ZBTB17: variants seen among roughly 807,000 people sequenced by gnomAD.
ZBTB17 encodes the protein zinc finger and BTB domain containing 17.
ZBTB17 carries 24 observed loss-of-function variants against 85.1 expected under a neutral mutation model. The ratio of observed to expected loss-of-function variants is 0.28; its 90% CI spans 0.20 to 0.40. The LOEUF (loss-of-function observed/expected upper bound fraction) is 0.40, where lower values mean the gene tolerates loss of function less well. Ranked by LOEUF, ZBTB17 falls within the 10% of genes least tolerant of loss-of-function variation. The pLI is 1.00. For missense variants in ZBTB17, 743 were observed against 1,105.1 expected (o/e 0.67, Z 4.65); for synonymous variants, 464 against 460.2 (o/e 1.01, Z -0.11).
Position 15,952,454 on chromosome 1 carries a change from C to T in ZBTB17, c.-2-3957G>A, listed in dbSNP as rs12137628. Among the ~76,000 whole-genome samples the T allele has an allele frequency of 6.6e-6, 1 of 152,172 alleles. No homozygotes were observed. The highest frequency in any genetic ancestry group is 2.4e-5 in the African/African-American group (1 of 41,422). ...GGCAGAACCGACACGGCGGAACGGA[C>T]GCGGATGATGCAGAGCCCCTCTCAG... On this transcript the variant is annotated intron_variant, in intron 2 of 15. Coordinates refer to ENST00000375743, the MANE Select transcript of ZBTB17 (RefSeq NM_003443.3). This position sits in a 1 kb window ranked among gnomAD's most constrained non-coding sequence, Gnocchi z 4.3.
At chr1:15,948,886 A>T (rs2071720567) in intron 2 of ZBTB17, among the ~76,000 whole-genome samples, 1 of 152,212 alleles carries the variant, frequency 6.6e-6, no homozygotes, top group Non-Finnish European at 1.5e-5. Context: ...TTACAAAAAG[A>T]ATGCATGACA....
chr1:15,961,763 C>A (rs1402707291), intron 2 of ZBTB17, among the ~76,000 whole-genome samples: 1 of 152,230 alleles, frequency 6.6e-6, no homozygotes, highest in East Asian at 1.9e-4. Flanking sequence ...AGACCACCCC[C>A]AAGTGTGACC....
chr1:15,951,120 A>G lies in ZBTB17; in HGVS notation c.-2-2623T>C, dbSNP rs374868793. On this transcript the variant is annotated intron_variant, in intron 2 of 15. Transcript: ENST00000375743. This position sits in a 1 kb window ranked among gnomAD's most constrained non-coding sequence, Gnocchi z 4.1. ...GCTGACTGCACTTTTCCAATGCAAG[A>G]TGCCCGCCCAGAAGTGGGCTCCTCC... 6.6e-6 allele frequency among the ~76,000 whole-genome samples: 1 copy of G among 152,226 alleles called. No homozygotes were observed. The highest frequency in any genetic ancestry group is 2.1e-4 in the South Asian group (1 of 4,838).
rs1306647232 is a variant in ZBTB17, at chr1:15,952,617, C to T, written c.-2-4120G>A. Among the ~76,000 whole-genome samples, 1 of 152,192 alleles carries T rather than the reference C, an allele frequency of 6.6e-6. No individual in the cohort carries two copies. The highest frequency in any genetic ancestry group is 2.4e-5 in the African/African-American group (1 of 41,454). On this transcript the variant is annotated intron_variant, in intron 2 of 15. Transcript: ENST00000375743. The surrounding 1 kb of genome is among the most constrained non-coding windows in gnomAD (Gnocchi z 4.3). ...ATGCTGGGACTGTGCCAATTCCAGACCTAAACCTAAAGAAGCCTGGAAGAT... is the reference window on the plus strand; with the variant it reads ...ATGCTGGGACTGTGCCAATTCCAGATCTAAACCTAAAGAAGCCTGGAAGAT...
In ZBTB17 at chr1:15,943,395, G is replaced by A; in HGVS notation, c.1697+4C>T. ...GCCAGTGGGTGTGGGGGAGGGGGCA[G>A]GACCTCTTGCCGCAGCGCTCGCAGA... On this transcript the variant is annotated splice_donor_region_variant and intron_variant, in intron 12 of 15. Transcript: ENST00000375743. 1 of 1,592,986 alleles carries A rather than the reference G, an allele frequency of 6.3e-7. No individual in the cohort carries two copies. Among genetic ancestry groups the A allele is most frequent in the East Asian group, 2.2e-5 (1 of 44,700 alleles).
chr1:15,960,692 G>C (rs1267804807), intron 2 of ZBTB17, among the ~76,000 whole-genome samples: 1 of 152,216 alleles, frequency 6.6e-6, no homozygotes, highest in Admixed American at 6.5e-5. Context: ...TGAGGAAGAA[G>C]AACAATCACA....
chr1:15,969,776 G>A (rs757821550), intron 2 of ZBTB17: 58 of 507,226 alleles, frequency 1.1e-4, no homozygotes, highest in African/African-American at 2.5e-4. Flanking sequence ...CAAACAATGC[G>A]TGGACGAGAG....
At position 15,942,261 on chromosome 1, in the gene ZBTB17, G is replaced by A. The variant is rs200109781; in HGVS notation, c.2129-9C>T. ...GATGTGAGTGTTGGGGTCTGTGGAG[G>A]TGGGGCAGCAGTCAGAGTGGGAAGG... On this transcript the variant is annotated splice_polypyrimidine_tract_variant and intron_variant, in intron 15 of 15. Transcript: ENST00000375743. 1.9e-4 allele frequency: 299 copies of A among 1,613,166 alleles called. No homozygotes were observed. Among genetic ancestry groups the A allele is most frequent in the Middle Eastern group, 9.9e-4 (6 of 6,058 alleles).
rs1414287530 is a variant in ZBTB17, at chr1:15,945,825, T to C, written c.551A>G (p.Glu184Gly). ...QSAASGAEQTEKADAPREPPP... is the reference protein window; with the variant it reads ...QSAASGAEQTGKADAPREPPP... The stretch of plus-strand genomic sequence containing the variant: ...CGGCTCCCGGGGCGCATCGGCTTTC[T>C]CTGTCTGCTCTGCACCTGGGTGGGG... Residue 184 changes from glutamate (E) to glycine (G), a missense_variant, in exon 6 of 16, where the codon GAG (glutamate) becomes GGG (glycine). Coordinates refer to ENST00000375743, the MANE Select transcript of ZBTB17 (RefSeq NM_003443.3). 3 of 1,598,518 alleles carry C rather than the reference T, an allele frequency of 1.9e-6. No individual in the cohort carries two copies. The highest frequency in any genetic ancestry group is 2.5e-6 in the Non-Finnish European group (3 of 1,177,110).
chr1:15,949,277 C>T (rs1403324658), intron 2 of ZBTB17, among the ~76,000 whole-genome samples: 1 of 152,178 alleles, frequency 6.6e-6, no homozygotes, highest in East Asian at 1.9e-4. Flanking sequence ...ATTCCATGGC[C>T]CAGTGCCGAG....
chr1:15,975,858 G>C, intron 1 of ZBTB17, 125 bp downstream of exon 1: 1 of 591,248 alleles, frequency 1.7e-6, no homozygotes, highest in Non-Finnish European at 3.1e-6. Flanking sequence ...CCCGGTTGGC[G>C]TCCCATTCCA....
intron 6 of ZBTB17, 146 bp downstream of exon 6, chr1:15,945,569 A>T: frequency 1.7e-6 from 2 of 1,202,940 alleles, no homozygotes; most frequent in Non-Finnish European, 2.3e-6. Flanking sequence ...ACATGCGAAG[A>T]CCAAGGTGTC....
chr1:15,966,081 C>T lies in ZBTB17; in HGVS notation c.-3+6958G>A, dbSNP rs1446626770. On this transcript the variant is annotated intron_variant, in intron 2 of 15. Coordinates refer to ENST00000375743, the MANE Select transcript of ZBTB17 (RefSeq NM_003443.3). The surrounding 1 kb of genome is among the most constrained non-coding windows in gnomAD (Gnocchi z 4.1). Reference sequence around the variant, plus strand: ...AACAAAAACGATTTACAAAATTAAACAAGTTCTTTCTTACTTTAAATCATT... The same window carrying T: ...AACAAAAACGATTTACAAAATTAAATAAGTTCTTTCTTACTTTAAATCATT... Among the ~76,000 whole-genome samples the T allele has an allele frequency of 6.6e-6, 1 of 152,232 alleles. No homozygotes were observed. Among genetic ancestry groups the T allele is most frequent in the African/African-American group, 2.4e-5 (1 of 41,468 alleles).
At chr1:15,961,562 C>T (rs2072258643) in intron 2 of ZBTB17, among the ~76,000 whole-genome samples, 1 of 152,196 alleles carries the variant, frequency 6.6e-6, no homozygotes, top group African/African-American at 2.4e-5. Flanking sequence ...AAGTGCTGTC[C>T]TACAGCAGAG....
At chr1:15,954,465 C>T (rs981863701) in intron 2 of ZBTB17, among the ~76,000 whole-genome samples, 3 of 152,176 alleles carry the variant, frequency 2.0e-5, no homozygotes, top group Admixed American at 6.5e-5. Context: ...ATCTTGTGTC[C>T]AGGTGCTTGA....
At chr1:15,944,660 G>A in intron 8 of ZBTB17, 37 bp downstream of exon 8, 1 of 1,602,706 alleles carries the variant, frequency 6.2e-7, no homozygotes, top group Non-Finnish European at 8.5e-7. Flanking sequence ...GCCGGGCCTG[G>A]CAGGGGCCGG....
At chr1:15,967,397 G>A (rs931491670) in intron 2 of ZBTB17, among the ~76,000 whole-genome samples, 1 of 151,586 alleles carries the variant, frequency 6.6e-6, no homozygotes, top group African/African-American at 2.4e-5. Flanking sequence ...TGTTATATGA[G>A]GCTGGGTTTG....
chr1:15,963,572 C>T (rs1005632175), intron 2 of ZBTB17, among the ~76,000 whole-genome samples: 1 of 152,126 alleles, frequency 6.6e-6, no homozygotes, highest in African/African-American at 2.4e-5. Flanking sequence ...CAGAAACTGC[C>T]TATATCAAAT....
intron 2 of ZBTB17, among the ~76,000 whole-genome samples, chr1:15,961,612 G>C (rs947362350): frequency 3.3e-5 from 5 of 152,230 alleles, no homozygotes; most frequent in Non-Finnish European, 7.3e-5. Context: ...AGAGGCTCAG[G>C]GGCCCAGGGC....
Sources: allele counts gnomAD v4.1 joint callset (sites outside exome capture counted in the v4.1 genomes callset), GRCh38; gene constraint gnomAD v4.1.1; non-coding constraint Gnocchi (gnomAD v3.1); transcripts MANE v1.5; gene names NCBI Gene and HGNC (gene_info 2026-07-23, HGNC 2026-07-21).